The following SHANK2 variants were observed in gnomAD, a reference collection of about 807,000 sequenced individuals.
SHANK2 encodes SH3 and multiple ankyrin repeat domains protein 2.
A neutral mutation model predicts 133.7 loss-of-function variants in SHANK2; 43 were observed. The observed-to-expected ratio is 0.32, with a 90% CI of 0.25 to 0.41. The LOEUF (loss-of-function observed/expected upper bound fraction) is 0.41, where lower values mean the gene tolerates loss of function less well. Ranked by LOEUF, SHANK2 falls within the 10% of genes least tolerant of loss-of-function variation. The pLI is 1.00. For synonymous variants in SHANK2, 1,017 were observed against 952.8 expected (o/e 1.07, Z -1.24); for missense variants, 1,994 against 2,235.8 (o/e 0.89, Z 2.18).
At chr11:71,075,792 C>CT (rs2135985306) in intron 8 of SHANK2, among the ~76,000 whole-genome samples, 1 of 152,308 alleles carries the variant, frequency 6.6e-6, no homozygotes, top group Admixed American at 6.5e-5. Flanking sequence ...CCCACGACTG[C>CT]TTTAATGCAG....
chr11:70,826,823 A>C (rs1309982594), intron 11 of SHANK2: 1 of 237,258 alleles, frequency 4.2e-6, no homozygotes, highest in Non-Finnish European at 8.6e-6. Flanking sequence ...ATTGAGGAAG[A>C]GGCACCGCGG....
chr11:70,626,853 C>T (rs549142899), intron 17 of SHANK2, among the ~76,000 whole-genome samples: 24 of 152,314 alleles, frequency 1.6e-4, no homozygotes, highest in Admixed American at 1.3e-3. Flanking sequence ...CCCCAAGCCA[C>T]ATCATGACAC....
intron 4 of SHANK2, among the ~76,000 whole-genome samples, chr11:71,117,438 G>T (rs774386277): frequency 3.9e-4 from 60 of 152,304 alleles, no homozygotes; most frequent in Non-Finnish European, 7.5e-4. Context: ...ACTGTCCTCA[G>T]TGATAAGAGT....
chr11:70,643,666 G>A (rs1555007199), intron 17 of SHANK2, among the ~76,000 whole-genome samples: 1 of 151,780 alleles, frequency 6.6e-6, no homozygotes, highest in Non-Finnish European at 1.5e-5. Flanking sequence ...GAATCACGTC[G>A]TGGTTGGTAT....
intron 14 of SHANK2, among the ~76,000 whole-genome samples, chr11:70,752,705 C>CA (rs530096112): frequency 0.015 from 1,578 of 103,842 alleles, 54 homozygotes; most frequent in African/African-American, 0.055. Context: ...GACTCCGTCT[C>CA]AAAAAAAAAA....
At chr11:71,160,869 C>T (rs1351774309) in intron 2 of SHANK2, among the ~76,000 whole-genome samples, 1 of 152,226 alleles carries the variant, frequency 6.6e-6, no homozygotes, top group East Asian at 1.9e-4. Context: ...TGGCAGCCTT[C>T]ATCCCTGGGC....
At chr11:70,626,607 C>A (rs1005737603) in intron 17 of SHANK2, among the ~76,000 whole-genome samples, 1 of 152,208 alleles carries the variant, frequency 6.6e-6, no homozygotes, top group African/African-American at 2.4e-5. Flanking sequence ...ATCCCACAAC[C>A]GCCGAGTGGC....
chr11:71,147,142 A>G lies in SHANK2; in HGVS notation c.185T>C (p.Val62Ala). The G allele has an allele frequency of 6.5e-7, 1 of 1,549,320 alleles. No individual in the cohort carries two copies. Among genetic ancestry groups the G allele is most frequent in the Non-Finnish European group, 8.7e-7 (1 of 1,146,782 alleles). ...SQGNTLVIRV[V>A]IHDLQQTKCI... ...CACCGTCTGCTGCAGGTCATGGATG[A>G]CCACGCGGATCACCAGCGTGTTGCC... The change falls in exon 3 of 26, where the codon GTC (valine) becomes GCC (alanine). Residue 62 changes from valine (V) to alanine (A), a missense_variant. Around this residue, in one of 5 missense-constraint regions of SHANK2, gnomAD observed 653 missense variants for 563.4 expected, o/e 1.16. Transcript: ENST00000601538.
At chr11:70,734,665 A>C (rs1555033082) in intron 14 of SHANK2, among the ~76,000 whole-genome samples, 1 of 152,230 alleles carries the variant, frequency 6.6e-6, no homozygotes, top group Non-Finnish European at 1.5e-5. Context: ...GCCCTGGCCC[A>C]GGCTTTCAGC....
At chr11:70,476,978 C>T (rs1326679194) in intron 25 of SHANK2, among the ~76,000 whole-genome samples, 1 of 152,234 alleles carries the variant, frequency 6.6e-6, no homozygotes, top group African/African-American at 2.4e-5. Context: ...GGAAAATACC[C>T]AGCTGTTCCC....
chr11:70,826,867 C>T (rs1005519476), intron 11 of SHANK2: 103 of 206,744 alleles, frequency 5.0e-4, no homozygotes, highest in African/African-American at 2.2e-3. Flanking sequence ...CTCGAGCTGG[C>T]AGCTGGGAGA....
chr11:70,586,819 C>T (rs2060260256), intron 17 of SHANK2, among the ~76,000 whole-genome samples: 1 of 152,176 alleles, frequency 6.6e-6, no homozygotes, highest in African/African-American at 2.4e-5. Context: ...ACACCAGTAC[C>T]TCACCCCCCC....
intron 13 of SHANK2, among the ~76,000 whole-genome samples, chr11:70,800,015 T>C (rs1283187580): frequency 2.0e-5 from 3 of 152,034 alleles, no homozygotes; most frequent in Admixed American, 6.5e-5. Context: ...AAAATCTTTA[T>C]ATCTTAGGGT....
At chr11:70,712,108 T>C (rs1327719260) in intron 14 of SHANK2, among the ~76,000 whole-genome samples, 1 of 151,622 alleles carries the variant, frequency 6.6e-6, no homozygotes, top group Non-Finnish European at 1.5e-5. Flanking sequence ...GGGGATCCAC[T>C]TGCTTCCCCC....
intron 14 of SHANK2, among the ~76,000 whole-genome samples, chr11:70,708,052 G>C (rs1555025332): frequency 6.6e-6 from 1 of 152,212 alleles, no homozygotes; most frequent in African/African-American, 2.4e-5. Context: ...CCAGTGGAGG[G>C]AGGCATGTGC....
At chr11:71,150,763 T>A (rs1336884327) in intron 2 of SHANK2, among the ~76,000 whole-genome samples, 1 of 152,008 alleles carries the variant, frequency 6.6e-6, no homozygotes, top group Non-Finnish European at 1.5e-5. Flanking sequence ...CTGGGGACTC[T>A]CGGCTGCGTG....
intron 17 of SHANK2, among the ~76,000 whole-genome samples, chr11:70,529,184 T>C (rs1554972715): frequency 6.6e-6 from 1 of 152,140 alleles, no homozygotes. Flanking sequence ...TCAGGACCCA[T>C]GTCATGCTAG....
In SHANK2 at chr11:71,242,890, C is replaced by A. The variant is rs145101037; in HGVS notation, c.-113+9535G>T. ...AAATTATACAAATAATGTTCTCCAA[C>A]CACAATAGAATGAAATTCGAAATTT... On this transcript the variant is annotated intron_variant, in intron 1 of 25. Coordinates refer to ENST00000601538, the MANE Select transcript of SHANK2 (RefSeq NM_012309.5). 2.3e-3 allele frequency among the ~76,000 whole-genome samples: 353 copies of A among 152,278 alleles called. 4 individuals are homozygous for A. Among genetic ancestry groups the A allele is most frequent in the African/African-American group, 8.4e-3 (348 of 41,554 alleles).
chr11:71,147,052 G>A, intron 3 of SHANK2, 68 bp downstream of exon 3: 2 of 1,326,078 alleles, frequency 1.5e-6, no homozygotes, highest in Non-Finnish European at 2.1e-6. Context: ...ACCAGAGCAG[G>A]CCTCTGGCGT....
Sources: gnomAD v4.1 joint callset for allele counts (sites outside exome capture counted in the v4.1 genomes callset) on GRCh38, gnomAD v4.1.1 for gene constraint, gnomAD v4.1.1 regional missense constraint, MANE v1.5 for transcripts, NCBI Gene and HGNC (gene_info 2026-07-23, HGNC 2026-07-21) for gene names.